The following PHLPP2 variants were observed in gnomAD, a reference collection of about 807,000 sequenced individuals.
PHLPP2 encodes the protein PH domain leucine-rich repeat-containing protein phosphatase 2.
A neutral mutation model predicts 124.9 loss-of-function variants in PHLPP2; 66 were observed. That is an observed-to-expected ratio of 0.53 (90% CI 0.43 to 0.65). PHLPP2 has a LOEUF of 0.65. Ranked by LOEUF, PHLPP2 falls within the 30% of genes least tolerant of loss-of-function variation. The pLI, the probability that PHLPP2 is intolerant of heterozygous loss-of-function variation, is 0.00. For synonymous variants in PHLPP2, 681 were observed against 624.7 expected, an observed-to-expected ratio of 1.09 and a Z score of -1.34; for missense variants, 1,685 against 1,600.4, an observed-to-expected ratio of 1.05 and a Z score of -0.90.
intron 1 of PHLPP2, among the ~76,000 whole-genome samples, chr16:71,718,877 A>C (rs2045380450): frequency 6.6e-6 from 1 of 152,202 alleles, no homozygotes; most frequent in Non-Finnish European, 1.5e-5. Flanking sequence ...ACCGATGGGC[A>C]CTTAAAAGGC....
intron 2 of PHLPP2, among the ~76,000 whole-genome samples, chr16:71,711,722 G>A (rs187586912): frequency 3.3e-5 from 5 of 151,848 alleles, no homozygotes; most frequent in Non-Finnish European, 5.9e-5. Flanking sequence ...AAATTTCTTC[G>A]GTGAACATAC....
intron 3 of PHLPP2, among the ~76,000 whole-genome samples, chr16:71,692,153 C>T (rs1219138697): frequency 1.3e-5 from 2 of 151,922 alleles, no homozygotes; most frequent in Non-Finnish European, 2.9e-5. Flanking sequence ...CACTGCGAGC[C>T]CCGCCTCCCA....
chr16:71,720,572 A>C (rs1304773899), intron 1 of PHLPP2, among the ~76,000 whole-genome samples: 6 of 152,172 alleles, frequency 3.9e-5, no homozygotes, highest in African/African-American at 1.4e-4. Flanking sequence ...TTCTGCAAGA[A>C]TGTGAAATAC....
chr16:71,723,210 G>C (rs2045409325), intron 1 of PHLPP2: 1 of 152,268 alleles, frequency 6.6e-6, no homozygotes, highest in South Asian at 2.1e-4. Flanking sequence ...GTCCTTGCCG[G>C]CTGGCACCTC....
In PHLPP2 at chr16:71,714,691, A is replaced by G. The variant is rs1388231094; in HGVS notation, c.105T>C (p.Leu35=). ...REDVKRGCVY[L]YGADTTTATT... ...TGGCAGTGGTAGTGTCTGCTCCATA[A>G]AGGTAAACACAGCCTCTCTTTACAT... The change falls in exon 2 of 19, where the codon CTT becomes CTC. Residue 35 remains leucine (L), a synonymous_variant. Coordinates refer to ENST00000568954, the MANE Select transcript of PHLPP2 (RefSeq NM_015020.3). 2 of 1,613,796 alleles carry G rather than the reference A, an allele frequency of 1.2e-6. No individual in the cohort carries two copies. Among genetic ancestry groups the G allele is most frequent in the Non-Finnish European group, 8.5e-7 (1 of 1,179,946 alleles).
Position 71,676,645 on chromosome 16 carries a change from T to G in PHLPP2, c.1273A>C (p.Asn425His). 1 of 1,604,746 alleles carries G rather than the reference T, an allele frequency of 6.2e-7. No individual in the cohort carries two copies. The change falls in exon 9 of 19, where the codon AAC (asparagine) becomes CAC (histidine). Residue 425 changes from asparagine (N) to histidine (H), a missense_variant. By Grantham distance (68) the Asn-to-His change is moderately conservative (BLOSUM62 1). Coordinates refer to ENST00000568954, the MANE Select transcript of PHLPP2 (RefSeq NM_015020.3). ...NHIKHVDLRM[N>H]HLKTMVIENL... ...TCAATAACCATGGTTTTCAAATGGTTCATCCTTAATACGCAGAAACAAGAA... is the reference window on the plus strand; with the variant it reads ...TCAATAACCATGGTTTTCAAATGGTGCATCCTTAATACGCAGAAACAAGAA...
chr16:71,718,775 A>G (rs2045379947), intron 1 of PHLPP2, among the ~76,000 whole-genome samples: 1 of 152,166 alleles, frequency 6.6e-6, no homozygotes, highest in Non-Finnish European at 1.5e-5. Context: ...ATTTACCTCA[A>G]AGGATCTATC....
chr16:71,657,577 G>T (rs2145310943), intron 15 of PHLPP2, among the ~76,000 whole-genome samples: 1 of 149,202 alleles, frequency 6.7e-6, no homozygotes, highest in South Asian at 2.1e-4. Context: ...TGTATTTTTA[G>T]TAGAGACGGG....
chr16:71,666,610 G>T (rs970568965), intron 12 of PHLPP2, among the ~76,000 whole-genome samples: 5 of 152,188 alleles, frequency 3.3e-5, no homozygotes, highest in Non-Finnish European at 5.9e-5. Flanking sequence ...AGGTAAACCT[G>T]ATTACAGGCC....
At chr16:71,687,497 T>C (rs9928298) in intron 4 of PHLPP2, among the ~76,000 whole-genome samples, 5,533 of 152,272 alleles carry the variant, frequency 0.036, 331 homozygotes, top group African/African-American at 0.13. Context: ...CATCTGACTA[T>C]CACAATCATT....
rs2044680480 is a variant in PHLPP2 at position 71,649,584 on chromosome 16, A to C, written c.3278T>G (p.Val1093Gly). The change falls in exon 19 of 19, where the codon GTG (valine) becomes GGG (glycine). Residue 1093 changes from valine (V) to glycine (G), a missense_variant. Transcript: ENST00000568954. The stretch of plus-strand genomic sequence containing the variant: ...ATGCTCATCAGAAGCAGTGGACCCC[A>C]CTTCACTGCTCACCTCTGAGGTGGA... ...EMSTSEVSSE[V>G]GSTASDEHNA... 1 of 1,613,794 alleles carries C rather than the reference A, an allele frequency of 6.2e-7. No individual in the cohort carries two copies. Among genetic ancestry groups the C allele is most frequent in the Non-Finnish European group, 8.5e-7 (1 of 1,179,700 alleles).
At chr16:71,674,991 C>G (rs113348353) in intron 9 of PHLPP2, among the ~76,000 whole-genome samples, 5 of 152,290 alleles carry the variant, frequency 3.3e-5, no homozygotes, top group African/African-American at 1.2e-4. Flanking sequence ...AGCTAGACTC[C>G]GTCTCAAAAT....
At chr16:71,692,107 T>C (rs1440127127) in intron 3 of PHLPP2, among the ~76,000 whole-genome samples, 2 of 152,006 alleles carry the variant, frequency 1.3e-5, no homozygotes, top group African/African-American at 2.4e-5. Flanking sequence ...TCTTGCTCTG[T>C]CGCCCAGGTT....
chr16:71,697,706 G>C (rs1013444748), intron 3 of PHLPP2, among the ~76,000 whole-genome samples: 9 of 152,032 alleles, frequency 5.9e-5, no homozygotes, highest in Admixed American at 5.9e-4. Context: ...AGGGAGTTGT[G>C]CTACCTGAGC....
chr16:71,696,973 G>A (rs373818911), intron 3 of PHLPP2, among the ~76,000 whole-genome samples: 1 of 151,712 alleles, frequency 6.6e-6, no homozygotes, highest in African/African-American at 2.4e-5. Context: ...TCAGGAATTC[G>A]AGACCTGGCC....
chr16:71,646,935 T>C lies in PHLPP2; in HGVS notation c.*1955A>G, dbSNP rs538376021. 1.3e-5 allele frequency: 2 copies of C among 152,610 alleles called. No homozygotes were observed. Among genetic ancestry groups the C allele is most frequent in the East Asian group, 3.9e-4 (2 of 5,178 alleles). 9.5% of individuals were successfully genotyped at this position (152,610 alleles called of 1,614,324 possible). ...GAGTGTACCAAATCCCCCAAGAGTG[T>C]ATCCCAATGACACGTGCATATGAGC... On this transcript the variant is annotated 3_prime_UTR_variant, in exon 19 of 19. Transcript: ENST00000568954.
chr16:71,712,376 A>G (rs1051756216), intron 2 of PHLPP2, among the ~76,000 whole-genome samples: 7 of 152,246 alleles, frequency 4.6e-5, no homozygotes, highest in Non-Finnish European at 8.8e-5. Context: ...TAAACACATA[A>G]GTAAATAAAC....
chr16:71,653,942 T>A (rs186803762), intron 17 of PHLPP2, among the ~76,000 whole-genome samples: 1 of 152,194 alleles, frequency 6.6e-6, no homozygotes, highest in Admixed American at 6.5e-5. Context: ...ACGCCTGTAA[T>A]CCCAGCACTT....
chr16:71,699,454 G>A (rs1220595999), intron 3 of PHLPP2, among the ~76,000 whole-genome samples: 3 of 152,202 alleles, frequency 2.0e-5, no homozygotes, highest in Admixed American at 2.0e-4. Context: ...TCAGAAGACA[G>A]TGGCAGGGAG....
Sources: allele counts gnomAD v4.1 joint callset (sites outside exome capture counted in the v4.1 genomes callset), GRCh38; gene constraint gnomAD v4.1.1; transcripts MANE v1.5; gene names NCBI Gene and HGNC (gene_info 2026-07-23, HGNC 2026-07-21).